The following CDH12 variants were observed in gnomAD, a reference collection of about 807,000 sequenced individuals.
CDH12 encodes the protein cadherin-12.
A neutral mutation model predicts 74.1 loss-of-function variants in CDH12; 41 were observed. The observed-to-expected ratio is 0.55, with a 90% CI of 0.43 to 0.72. CDH12 has a LOEUF of 0.72. CDH12 is among the 30% of genes least tolerant of loss of function. CDH12 has a pLI of 0.00. For synonymous variants in CDH12, 399 were observed against 355.0 expected, an observed-to-expected ratio of 1.12 and a Z score of -1.39; for missense variants, 945 against 977.2, an observed-to-expected ratio of 0.97 and a Z score of 0.44.
chr5:22,117,915 T>C (rs1297044896), intron 4 of CDH12, among the ~76,000 whole-genome samples: 1 of 152,034 alleles, frequency 6.6e-6, no homozygotes, highest in Non-Finnish European at 1.5e-5. Flanking sequence ...AATAATTCAA[T>C]AAGATTAAGT....
At chr5:21,956,082 T>C (rs1186715878) in intron 6 of CDH12, among the ~76,000 whole-genome samples, 1 of 152,034 alleles carries the variant, frequency 6.6e-6, no homozygotes, top group African/African-American at 2.4e-5. Flanking sequence ...AAACTAATTG[T>C]AGAGAAAAAA....
chr5:21,804,872 A>G (rs758390024), intron 9 of CDH12, among the ~76,000 whole-genome samples: 7 of 152,124 alleles, frequency 4.6e-5, no homozygotes, highest in Non-Finnish European at 5.9e-5. Context: ...GAGATATTCA[A>G]TATGTTAGAA....
intron 2 of CDH12, among the ~76,000 whole-genome samples, chr5:22,410,353 G>T (rs139998383): frequency 6.6e-6 from 1 of 152,132 alleles, no homozygotes; most frequent in Non-Finnish European, 1.5e-5. Flanking sequence ...AAAATTATCT[G>T]ACCTATCTTG....
At chr5:22,305,464 C>T (rs1738064115) in intron 3 of CDH12, among the ~76,000 whole-genome samples, 1 of 152,144 alleles carries the variant, frequency 6.6e-6, no homozygotes, top group Non-Finnish European at 1.5e-5. Flanking sequence ...CAAGATTGGG[C>T]AGCAGGACTG....
At chr5:21,935,362 G>A (rs984281442) in intron 6 of CDH12, among the ~76,000 whole-genome samples, 2 of 152,118 alleles carry the variant, frequency 1.3e-5, no homozygotes, top group African/African-American at 4.8e-5. Flanking sequence ...ACAACATTAA[G>A]CTCTACATAC....
At chr5:22,637,370 C>T (rs1444208844) in intron 1 of CDH12, among the ~76,000 whole-genome samples, 1 of 152,158 alleles carries the variant, frequency 6.6e-6, no homozygotes, top group Non-Finnish European at 1.5e-5. Flanking sequence ...TAGTAACTAT[C>T]CACTTCCCTT....
chr5:22,099,877 C>T (rs1744036269), intron 4 of CDH12, among the ~76,000 whole-genome samples: 1 of 152,116 alleles, frequency 6.6e-6, no homozygotes, highest in African/African-American at 2.4e-5. Context: ...TCAATTCATA[C>T]AAAACTGTAT....
At chr5:22,274,080 G>A (rs771818085) in intron 3 of CDH12, among the ~76,000 whole-genome samples, 87 of 152,150 alleles carry the variant, frequency 5.7e-4, no homozygotes, top group Non-Finnish European at 9.4e-4. Context: ...ACCAGGCACT[G>A]TGTTATGCAC....
At chr5:22,430,057 C>T (rs142400902) in intron 2 of CDH12, among the ~76,000 whole-genome samples, 2 of 152,186 alleles carry the variant, frequency 1.3e-5, no homozygotes, top group African/African-American at 4.8e-5. Flanking sequence ...GACTATTTTT[C>T]CATTTTCCTT....
At chr5:22,626,093 C>T (rs935062898) in intron 1 of CDH12, among the ~76,000 whole-genome samples, 2 of 152,106 alleles carry the variant, frequency 1.3e-5, no homozygotes, top group East Asian at 1.9e-4. Context: ...ATGGTGCTCC[C>T]GCCACTACTA....
intron 6 of CDH12, among the ~76,000 whole-genome samples, chr5:21,931,258 A>T (rs1042385391): frequency 6.6e-6 from 1 of 152,164 alleles, no homozygotes; most frequent in Non-Finnish European, 1.5e-5. Context: ...AGGAAAAAAA[A>T]GCTAAGAAGA....
chr5:22,820,221 A>C (rs1749617321), intron 1 of CDH12, among the ~76,000 whole-genome samples: 1 of 151,936 alleles, frequency 6.6e-6, no homozygotes, highest in Non-Finnish European at 1.5e-5. Flanking sequence ...GGAATAAAAA[A>C]ACACAGGCAG....
intron 6 of CDH12, among the ~76,000 whole-genome samples, chr5:21,896,130 G>A (rs1009045500): frequency 6.6e-6 from 1 of 152,216 alleles, no homozygotes; most frequent in African/African-American, 2.4e-5. Context: ...ATGAGGCACA[G>A]TATCTGCTAT....
At chr5:22,676,034 A>C (rs1439000641) in intron 1 of CDH12, among the ~76,000 whole-genome samples, 4 of 151,516 alleles carry the variant, frequency 2.6e-5, no homozygotes, top group African/African-American at 9.7e-5. Flanking sequence ...GCACTGAGAA[A>C]ACTAATTTAA....
At chr5:22,020,791 C>G (rs1334013786) in intron 5 of CDH12, among the ~76,000 whole-genome samples, 2 of 152,104 alleles carry the variant, frequency 1.3e-5, no homozygotes, top group Non-Finnish European at 2.9e-5. Context: ...CACCTAAAGA[C>G]CTTATCTCCA....
chr5:22,055,096 A>C (rs1740650169), intron 5 of CDH12, among the ~76,000 whole-genome samples: 1 of 152,216 alleles, frequency 6.6e-6, no homozygotes, highest in African/African-American at 2.4e-5. Flanking sequence ...GCTGAGAAGA[A>C]AGCATCTTCC....
chr5:22,007,636 A>G (rs1476524847), intron 5 of CDH12, among the ~76,000 whole-genome samples: 1 of 152,082 alleles, frequency 6.6e-6, no homozygotes, highest in Non-Finnish European at 1.5e-5. Flanking sequence ...ATTTAATTCC[A>G]CTGTTATTGT....
At chr5:22,001,617 A>G (rs10036271) in intron 5 of CDH12, among the ~76,000 whole-genome samples, 46,659 of 151,798 alleles carry the variant, frequency 0.31, 11,787 homozygotes, top group African/African-American at 0.7. Context: ...CAATGGCTAG[A>G]TTTTCATTCT....
chr5:22,198,879 T>TTTTATTTA (rs57356477), intron 4 of CDH12, among the ~76,000 whole-genome samples: 37,153 of 150,320 alleles, frequency 0.25, 5,628 homozygotes, highest in East Asian at 0.69. Flanking sequence ...CATTTTTTAT[T>TTTTATTTA]TTTATTTATT....
Sources: gnomAD v4.1 joint callset for allele counts (sites outside exome capture counted in the v4.1 genomes callset) on GRCh38, gnomAD v4.1.1 for gene constraint, MANE v1.5 for transcripts, NCBI Gene and HGNC (gene_info 2026-07-23, HGNC 2026-07-21) for gene names.